The following CDH23 variants were observed in gnomAD, a reference collection of about 807,000 sequenced individuals.
CDH23 encodes cadherin related 23, also known as cadherin-23.
In CDH23, 189 loss-of-function variants were observed where a neutral mutation model predicts 317.1. The ratio of observed to expected loss-of-function variants is 0.60; its 90% CI spans 0.53 to 0.67. The LOEUF is 0.67. Ranked by LOEUF, CDH23 falls within the 30% of genes least tolerant of loss-of-function variation. The pLI is 0.00. For missense variants in CDH23, 4,401 were observed against 4,592.4 expected, an observed-to-expected ratio of 0.96 and a Z score of 1.20; for synonymous variants, 1,839 against 1,876.8, an observed-to-expected ratio of 0.98 and a Z score of 0.52.
At chr10:71,567,375 C>T (rs1425761987) in intron 7 of CDH23, among the ~76,000 whole-genome samples, 1 of 152,226 alleles carries the variant, frequency 6.6e-6, no homozygotes, top group Non-Finnish European at 1.5e-5. Context: ...ACCATCCAAC[C>T]TGCAGGGCCC....
At chr10:71,542,096 G>C (rs1232431881) in intron 6 of CDH23, among the ~76,000 whole-genome samples, 1 of 152,138 alleles carries the variant, frequency 6.6e-6, no homozygotes, top group East Asian at 1.9e-4. Flanking sequence ...AGAGGCAGTG[G>C]CTTGGTCCCA....
chr10:71,492,493 C>T (rs1852718411), intron 3 of CDH23, among the ~76,000 whole-genome samples: 1 of 152,170 alleles, frequency 6.6e-6, no homozygotes, highest in South Asian at 2.1e-4. Context: ...TTCTCTCTGC[C>T]CCTCAAACAA....
intron 6 of CDH23, among the ~76,000 whole-genome samples, chr10:71,542,887 G>C (rs561613183): frequency 6.6e-6 from 1 of 152,374 alleles, no homozygotes; most frequent in East Asian, 1.9e-4. Flanking sequence ...CCTTTCCAGG[G>C]TGGCAGCGTG....
intron 47 of CDH23, among the ~76,000 whole-genome samples, chr10:71,792,837 AAAAAAAAAAAAAAAAATAT>A (rs1265411475): frequency 3.2e-3 from 255 of 78,524 alleles, no homozygotes; most frequent in South Asian, 0.019. Flanking sequence ...AAAAAAAAAA[AAAAAAAAAAAAAAAAATAT>A]ATATATATAT....
intron 6 of CDH23, among the ~76,000 whole-genome samples, chr10:71,530,789 A>G (rs990374924): frequency 2.0e-5 from 3 of 152,232 alleles, no homozygotes; most frequent in African/African-American, 7.2e-5. Flanking sequence ...AACATGTCCC[A>G]TGGGCCAGAA....
At chr10:71,662,241 A>T (rs1863705400) in intron 14 of CDH23, among the ~76,000 whole-genome samples, 2 of 152,186 alleles carry the variant, frequency 1.3e-5, no homozygotes, top group South Asian at 4.2e-4. Flanking sequence ...AGAATGTGGA[A>T]TCAATATGGT....
chr10:71,791,167 C>G lies in CDH23; in HGVS notation c.6085C>G (p.Arg2029Gly). 1 of 1,612,206 alleles carries G rather than the reference C, an allele frequency of 6.2e-7. No individual in the cohort carries two copies. The highest frequency in any genetic ancestry group is 8.5e-7 in the Non-Finnish European group (1 of 1,179,306). The stretch of plus-strand genomic sequence containing the variant: ...CGTGAGGTCAGGTGTCATCATTGAC[C>G]GGGAGGCATTCTCGCCACCCATCCT... ...VTVRSGVIID[R>G]EAFSPPILEL... The change falls in exon 47 of 70, where the codon CGG (arginine) becomes GGG (glycine). Residue 2029 changes from arginine (R) to glycine (G), a missense_variant. This residue lies in a region of CDH23 where 3,068 missense variants were observed against 3,203.3 expected (regional missense o/e 0.96). Coordinates refer to ENST00000224721, the MANE Select transcript of CDH23 (RefSeq NM_022124.6).
chr10:71,485,113 G>A lies in CDH23; in HGVS notation c.146-24969G>A, dbSNP rs777248872. 9.0e-5 allele frequency among the ~76,000 whole-genome samples: 13 copies of A among 144,556 alleles called. No homozygotes were observed. In the South Asian group the frequency reaches 2.3e-3, roughly 25 times the overall value. 94.8% of individuals were successfully genotyped at this position (144,556 alleles called of 152,430 possible). A position where few individuals can be genotyped will look rare whatever the true frequency, so the allele number is the denominator to read the frequency against. ...GCGATCTCGGCTTACGGCAACCTCC[G>A]CCTCCCAGGTTCAAGTGATTCTCCT... On this transcript the variant is annotated intron_variant, in intron 3 of 69. Coordinates refer to ENST00000224721, the MANE Select transcript of CDH23 (RefSeq NM_022124.6).
intron 6 of CDH23, among the ~76,000 whole-genome samples, chr10:71,556,804 G>A (rs1260263013): frequency 6.6e-6 from 1 of 152,066 alleles, no homozygotes; most frequent in Non-Finnish European, 1.5e-5. Context: ...TTCAATTTCT[G>A]ATATTTACTT....
intron 1 of CDH23, among the ~76,000 whole-genome samples, chr10:71,416,433 T>A (rs1848536541): frequency 6.6e-6 from 1 of 152,226 alleles, no homozygotes; most frequent in African/African-American, 2.4e-5. Flanking sequence ...ACCTTTAGTG[T>A]TAGTGGTTGT....
chr10:71,814,646 A>ACG (rs1842059122), intron 69 of CDH23, among the ~76,000 whole-genome samples: 2 of 149,650 alleles, frequency 1.3e-5, no homozygotes, highest in East Asian at 2.0e-4. Flanking sequence ...ACACACACAT[A>ACG]CACACACACA....
intron 8 of CDH23, among the ~76,000 whole-genome samples, chr10:71,571,770 C>T (rs1301980216): frequency 2.6e-5 from 4 of 152,226 alleles, no homozygotes; most frequent in African/African-American, 9.6e-5. Context: ...AAAATGAGCC[C>T]CTTCTTTTGA....
chr10:71,708,976 A>G (rs1865880124), intron 26 of CDH23, 122 bp from the exon 27 acceptor site: 1 of 877,376 alleles, frequency 1.1e-6, no homozygotes, highest in East Asian at 2.6e-5. Flanking sequence ...GGGCCGAATC[A>G]GCAGCACAGC....
chr10:71,735,696 T>C (rs1038640016), intron 34 of CDH23, among the ~76,000 whole-genome samples: 1 of 152,214 alleles, frequency 6.6e-6, no homozygotes, highest in African/African-American at 2.4e-5. Context: ...AAACACAATT[T>C]CTTGGGGTTC....
intron 3 of CDH23, among the ~76,000 whole-genome samples, chr10:71,453,860 C>T (rs1261192673): frequency 2.0e-5 from 3 of 152,188 alleles, no homozygotes; most frequent in Non-Finnish European, 4.4e-5. Context: ...TGGGTGTGTG[C>T]TGTCTGCATA....
At chr10:71,548,474 T>C (rs1856408488) in intron 6 of CDH23, among the ~76,000 whole-genome samples, 1 of 152,020 alleles carries the variant, frequency 6.6e-6, no homozygotes, top group Non-Finnish European at 1.5e-5. Context: ...TGGAAGGGAT[T>C]AGGGGACAGG....
intron 6 of CDH23, among the ~76,000 whole-genome samples, chr10:71,549,864 G>C (rs991936366): frequency 6.6e-6 from 1 of 152,222 alleles, no homozygotes; most frequent in Admixed American, 6.5e-5. Context: ...GACCCAGCTT[G>C]TGGGGCGGGG....
chr10:71,536,622 T>C (rs1024970608), intron 6 of CDH23, among the ~76,000 whole-genome samples: 1 of 152,160 alleles, frequency 6.6e-6, no homozygotes, highest in Non-Finnish European at 1.5e-5. Flanking sequence ...GACTCACTTT[T>C]GGGTGGGGCA....
chr10:71,802,722 G>A (rs1330116652), intron 53 of CDH23, among the ~76,000 whole-genome samples, 176 bp from the exon 54 acceptor site: 13 of 152,198 alleles, frequency 8.5e-5, no homozygotes, highest in Admixed American at 8.5e-4. Flanking sequence ...AGGTAACTGA[G>A]GCTCAGGGGG....
Sources: gnomAD v4.1 joint callset for allele counts (sites outside exome capture counted in the v4.1 genomes callset) on GRCh38, gnomAD v4.1.1 for gene constraint, gnomAD v4.1.1 regional missense constraint, MANE v1.5 for transcripts, NCBI Gene and HGNC (gene_info 2026-07-23, HGNC 2026-07-21) for gene names.